CCNJL: variants seen among roughly 807,000 people sequenced by gnomAD.
CCNJL encodes the protein cyclin-J-like protein.
In CCNJL, 33 loss-of-function variants were observed where a neutral mutation model predicts 33.4. The ratio of observed to expected loss-of-function variants is 0.99; its 90% CI spans 0.75 to 1.32. CCNJL has a LOEUF of 1.32. Ranked by LOEUF, CCNJL falls within the 40% of genes most tolerant of loss-of-function variation. The pLI is 0.00. For synonymous variants in CCNJL, 227 were observed against 220.9 expected (o/e 1.03, Z -0.24); for missense variants, 512 against 499.7 (o/e 1.02, Z -0.23).
At chr5:160,335,326 A>G (rs1426220848) in intron 1 of CCNJL, among the ~76,000 whole-genome samples, 1 of 152,194 alleles carries the variant, frequency 6.6e-6, no homozygotes, top group Non-Finnish European at 1.5e-5. Context: ...TTTATGATCT[A>G]TTTATATATC....
chr5:160,320,996 T>TTCTCTCTCTCTC (rs138268750), intron 1 of CCNJL, among the ~76,000 whole-genome samples: 1 of 97,112 alleles, frequency 1.0e-5, no homozygotes, highest in African/African-American at 4.2e-5. Context: ...CTTTCTTTCT[T>TTCTCTCTCTCTC]TCTCTCTCTC....
chr5:160,273,837 A>AGGG (rs1403927276), intron 3 of CCNJL, among the ~76,000 whole-genome samples: 1 of 151,634 alleles, frequency 6.6e-6, no homozygotes, highest in African/African-American at 2.4e-5. Context: ...TTAGTAGAGA[A>AGGG]GGGGTTTCCC....
rs901693783 is a variant in CCNJL, at chr5:160,268,909, C to T, written c.281-9138G>A. 1.7e-4 allele frequency among the ~76,000 whole-genome samples: 26 copies of T among 152,244 alleles called. 1 individual carries two copies. Among genetic ancestry groups the T allele is most frequent in the African/African-American group, 5.5e-4 (23 of 41,460 alleles). On this transcript the variant is annotated intron_variant, in intron 3 of 5. Transcript: ENST00000257536. ...AAGAAAAAGCTCTCTTCTTCTCCTT[C>T]CTCTCTCAAGAGCAGGGCTGCATCT... is the stretch of plus-strand genomic sequence containing the variant.
chr5:160,315,548 T>C (rs556040185), upstream of CCNJL: 1 of 171,238 alleles, frequency 5.8e-6, no homozygotes, highest in African/African-American at 2.4e-5. Context: ...AAGCTGTCTT[T>C]AAGGGGATGA....
chr5:160,261,961 CAG>C (rs916194244), intron 3 of CCNJL, among the ~76,000 whole-genome samples: 9 of 152,228 alleles, frequency 5.9e-5, no homozygotes, highest in Admixed American at 1.3e-4. Context: ...TCTCAGGAAA[CAG>C]ATATTTTAGG....
At chr5:160,288,951 A>G (rs1356745860) in intron 2 of CCNJL, among the ~76,000 whole-genome samples, 1 of 152,036 alleles carries the variant, frequency 6.6e-6, no homozygotes, top group African/African-American at 2.4e-5. Context: ...GCAAACTCTC[A>G]TAAAATGCCA....
At chr5:160,268,343 A>T (rs1318869875) in intron 3 of CCNJL, among the ~76,000 whole-genome samples, 2 of 152,210 alleles carry the variant, frequency 1.3e-5, no homozygotes, top group Non-Finnish European at 2.9e-5. Context: ...CTTACTAGCC[A>T]TGTGGTCTGG....
chr5:160,271,391 A>C (rs1398855726), intron 3 of CCNJL, among the ~76,000 whole-genome samples: 1 of 152,242 alleles, frequency 6.6e-6, no homozygotes, highest in Non-Finnish European at 1.5e-5. Flanking sequence ...AGCCATGCAG[A>C]GCCCGGAAAG....
chr5:160,331,605 A>G (rs1189069054), intron 1 of CCNJL, among the ~76,000 whole-genome samples: 1 of 152,144 alleles, frequency 6.6e-6, no homozygotes, highest in Non-Finnish European at 1.5e-5. Context: ...AAAGTCAATC[A>G]GTGGAATCAA....
At chr5:160,291,536 A>C (rs1762585551) in intron 2 of CCNJL, among the ~76,000 whole-genome samples, 1 of 152,220 alleles carries the variant, frequency 6.6e-6, no homozygotes, top group African/African-American at 2.4e-5. Flanking sequence ...GTAACATCCC[A>C]GAAAGCTGAC....
rs1272290324 is a variant in CCNJL, at chr5:160,255,656, C to T, written c.636G>A (p.Gly212=). ...QPSVVAAACV[G]ASRICLQLSP... is the part of the protein sequence containing the mutation. ...AAAGCTGCAGGCAAATCCTGGAGGCCCCAACACAGGCCGCAGCGACCACAG... is the reference window on the plus strand; with the variant it reads ...AAAGCTGCAGGCAAATCCTGGAGGCTCCAACACAGGCCGCAGCGACCACAG... Residue 212 remains glycine (G), a synonymous_variant, in exon 5 of 6, where the codon GGG becomes GGA. Coordinates refer to ENST00000257536, the MANE Select transcript of CCNJL (RefSeq NM_001308173.3). 1 of 1,613,950 alleles carries T rather than the reference C, an allele frequency of 6.2e-7. No homozygotes were observed. The highest frequency in any genetic ancestry group is 8.5e-7 in the Non-Finnish European group (1 of 1,180,016).
At chr5:160,310,387 G>C (rs1213747390) in intron 2 of CCNJL, among the ~76,000 whole-genome samples, 1 of 152,164 alleles carries the variant, frequency 6.6e-6, no homozygotes, top group Non-Finnish European at 1.5e-5. Context: ...AAGCAACGCA[G>C]GACAAAGACA....
Position 160,254,097 on chromosome 5 carries a change from G to A in CCNJL, c.744-299C>T, listed in dbSNP as rs1760946982. 6.5e-6 allele frequency: 3 copies of A among 464,756 alleles called. No homozygotes were observed. The East Asian group carries it at 9.9e-5, about 15-fold the overall frequency. The allele number at this position is 464,756 out of a possible 1,614,324, so 28.8% of individuals were successfully genotyped here. ...ATCTCCACAGTCAATACCCCAGAGA[G>A]TAACCTGCTCCAGAGGGTAACTTCT... On this transcript the variant is annotated intron_variant, in intron 5 of 5. Transcript: ENST00000257536.
At chr5:160,255,885 G>A (rs1009453607) in intron 4 of CCNJL, among the ~76,000 whole-genome samples, 177 bp from the exon 5 acceptor site, 8 of 152,026 alleles carry the variant, frequency 5.3e-5, no homozygotes, top group Admixed American at 5.2e-4. Context: ...CTTGGCTCTT[G>A]GTCTGGGATT....
At chr5:160,283,947 G>T (rs1022583099) in intron 2 of CCNJL, among the ~76,000 whole-genome samples, 1 of 152,138 alleles carries the variant, frequency 6.6e-6, no homozygotes, top group Non-Finnish European at 1.5e-5. Flanking sequence ...CAAATGACAG[G>T]ATCTCACTCT....
At chr5:160,272,822 A>G (rs1413227679) in intron 3 of CCNJL, among the ~76,000 whole-genome samples, 1 of 152,226 alleles carries the variant, frequency 6.6e-6, no homozygotes, top group African/African-American at 2.4e-5. Context: ...GACCAAAACA[A>G]TTCCACCTCT....
At chr5:160,280,171 C>T (rs1762158728) in intron 3 of CCNJL, among the ~76,000 whole-genome samples, 1 of 152,164 alleles carries the variant, frequency 6.6e-6, no homozygotes, top group African/African-American at 2.4e-5. Flanking sequence ...CAGGTTCTGG[C>T]ACCAGGCAGT....
chr5:160,290,254 CT>C (rs1202302232), intron 2 of CCNJL, among the ~76,000 whole-genome samples: 2 of 151,536 alleles, frequency 1.3e-5, no homozygotes, highest in African/African-American at 2.4e-5. Flanking sequence ...AAAGTCACTT[CT>C]TTTTTTTCTA....
chr5:160,254,028 C>T (rs922472897), intron 5 of CCNJL: 2 of 474,548 alleles, frequency 4.2e-6, no homozygotes, highest in Admixed American at 7.6e-5. Context: ...TTCTTCTGGC[C>T]CCTCCAGACT....
Sources: allele counts gnomAD v4.1 joint callset (sites outside exome capture counted in the v4.1 genomes callset), GRCh38; gene constraint gnomAD v4.1.1; transcripts MANE v1.5; gene names NCBI Gene and HGNC (gene_info 2026-07-23, HGNC 2026-07-21).